The following MAP4K3 variants were observed in gnomAD, a reference collection of about 807,000 sequenced individuals.
The protein encoded by MAP4K3 is MAPK/ERK kinase kinase kinase 3.
A neutral mutation model predicts 143.5 loss-of-function variants in MAP4K3; 94 were observed. The observed-to-expected ratio is 0.65, with a 90% confidence interval of 0.55 to 0.78. The LOEUF is 0.78. Ranked by LOEUF, MAP4K3 falls within the 30% of genes least tolerant of loss-of-function variation. The pLI, the probability that MAP4K3 is intolerant of heterozygous loss-of-function variation, is 0.00. For synonymous variants in MAP4K3, 416 were observed against 347.2 expected (o/e 1.20, Z -2.20); for missense variants, 1,077 against 1,068.1 (o/e 1.01, Z -0.12).
At chr2:39,338,266 G>C (rs1262472799) in intron 4 of MAP4K3, among the ~76,000 whole-genome samples, 1 of 152,080 alleles carries the variant, frequency 6.6e-6, no homozygotes, top group South Asian at 2.1e-4. Context: ...ATGTCCAATA[G>C]GTTTAGCTGG....
chr2:39,309,124 T>G (rs553083903), intron 14 of MAP4K3, among the ~76,000 whole-genome samples: 1 of 150,570 alleles, frequency 6.6e-6, no homozygotes, highest in Non-Finnish European at 1.5e-5. Context: ...TTAAAAAAAA[T>G]TTTATTTTAT....
chr2:39,422,133 A>C (rs1189284616), intron 1 of MAP4K3, among the ~76,000 whole-genome samples: 1 of 151,930 alleles, frequency 6.6e-6, no homozygotes, highest in Non-Finnish European at 1.5e-5. Flanking sequence ...TACTCCTGAG[A>C]AAAACACTAA....
rs1682861432 is a variant in MAP4K3, at chr2:39,309,511, C to T, written c.1006G>A (p.Val336Met). The stretch of plus-strand genomic sequence containing the variant: ...TTTCTTAAGGGTGGATCAAATTTCA[C>T]TTGGCCAACTAAAAAAGAAAAAAAA... ...KTRSEITFGQ[V>M]KFDPPLRKET... The change falls in exon 14 of 34, where the codon GTG becomes ATG. Residue 336 changes from valine to methionine, a missense_variant. Val to Met is a conservative substitution (Grantham distance 21). This residue lies in a region of MAP4K3 where 864 missense variants were observed against 801.2 expected (regional missense o/e 1.08). Coordinates refer to ENST00000263881, the MANE Select transcript of MAP4K3 (RefSeq NM_003618.4). 1.3e-6 allele frequency: 2 copies of T among 1,537,488 alleles called. No homozygotes were observed. The highest frequency in any genetic ancestry group is 1.8e-6 in the Non-Finnish European group (2 of 1,131,596).
chr2:39,359,964 G>A (rs1199963623), intron 2 of MAP4K3, among the ~76,000 whole-genome samples: 1 of 152,234 alleles, frequency 6.6e-6, no homozygotes, highest in Non-Finnish European at 1.5e-5. Context: ...ATGCCCTGGA[G>A]ACATGTTCCC....
At chr2:39,345,511 C>G (rs1029129553) in intron 3 of MAP4K3, among the ~76,000 whole-genome samples, 12 of 152,136 alleles carry the variant, frequency 7.9e-5, no homozygotes, top group African/African-American at 2.9e-4. Flanking sequence ...GGTGAGCTGA[C>G]TTGACCGTAG....
At position 39,315,514 on chromosome 2, in the gene MAP4K3, CA is replaced by C. The variant is rs201262541; in HGVS notation, c.919-127del. 2.9e-3 allele frequency: 1,383 copies of C among 482,784 alleles called. 11 individuals carry two copies. The East Asian group carries it at 0.034, about 12-fold the overall frequency. 29.9% of individuals were successfully genotyped at this position (482,784 alleles called of 1,614,324 possible). A position where few individuals can be genotyped will look rare whatever the true frequency, so the allele number is the denominator to read the frequency against. ...AAAATGAAAGCAAAACAGCACTTTG[CA>C]AATTTTTTTTTTTTAAAAAAGCAAA... On this transcript the variant is annotated intron_variant, in intron 12 of 33. Transcript: ENST00000263881.
chr2:39,267,984 G>A (rs773217569), intron 26 of MAP4K3, among the ~76,000 whole-genome samples: 6 of 152,132 alleles, frequency 3.9e-5, no homozygotes, highest in Non-Finnish European at 7.4e-5. Context: ...CCAAAAACTG[G>A]AGAGAGCTAT....
In MAP4K3 at chr2:39,337,421, A is replaced by G. The variant is rs1194796808; in HGVS notation, c.366+105T>C. On this transcript the variant is annotated intron_variant, in intron 5 of 33. Transcript: ENST00000263881. Reference sequence around the variant, plus strand: ...GTATTAAAACTCATTTTAAGAGTTTACCAAACTAAAATATTTAGTTCTTAC... The same window carrying G: ...GTATTAAAACTCATTTTAAGAGTTTGCCAAACTAAAATATTTAGTTCTTAC... The G allele has an allele frequency of 5.4e-6, 4 of 738,358 alleles. No individual in the cohort carries two copies. In the Admixed American group the frequency reaches 7.4e-5, roughly 14 times the overall value. The allele number at this position is 738,358 out of a possible 1,614,324, so 45.7% of individuals were successfully genotyped here.
chr2:39,353,607 T>G (rs1044393519), intron 3 of MAP4K3, among the ~76,000 whole-genome samples: 1 of 152,214 alleles, frequency 6.6e-6, no homozygotes, highest in South Asian at 2.1e-4. Context: ...AGATGTTAAA[T>G]TCTCTCAAGA....
intron 16 of MAP4K3, among the ~76,000 whole-genome samples, chr2:39,296,666 G>C (rs1005646065): frequency 6.6e-6 from 1 of 152,150 alleles, no homozygotes; most frequent in Non-Finnish European, 1.5e-5. Context: ...CAATCTGTAA[G>C]TACTGCTCTG....
intron 12 of MAP4K3, among the ~76,000 whole-genome samples, chr2:39,321,328 A>C (rs1302391588): frequency 2.0e-5 from 3 of 152,140 alleles, no homozygotes; most frequent in Non-Finnish European, 4.4e-5. Flanking sequence ...TGCTGTGTCA[A>C]ACTCAGGGTT....
At chr2:39,263,518 A>G (rs1301812937) in intron 28 of MAP4K3, among the ~76,000 whole-genome samples, 6 of 150,192 alleles carry the variant, frequency 4.0e-5, no homozygotes, top group Non-Finnish European at 8.9e-5. Flanking sequence ...TGACCTCGTG[A>G]TCCGCCCGCC....
At chr2:39,268,139 T>C (rs1163191888) in intron 26 of MAP4K3, among the ~76,000 whole-genome samples, 2 of 152,176 alleles carry the variant, frequency 1.3e-5, no homozygotes, top group Non-Finnish European at 2.9e-5. Context: ...TATAGGTGTT[T>C]TGCAAACATC....
At chr2:39,327,841 C>T (rs577562190) in intron 8 of MAP4K3, among the ~76,000 whole-genome samples, 1 of 151,720 alleles carries the variant, frequency 6.6e-6, no homozygotes, top group South Asian at 2.1e-4. Context: ...AACTTGCCTC[C>T]CCTTACTAGT....
intron 23 of MAP4K3, among the ~76,000 whole-genome samples, chr2:39,279,023 T>G: frequency 6.6e-6 from 1 of 152,200 alleles, no homozygotes; most frequent in East Asian, 1.9e-4. Context: ...GCCATCGTCC[T>G]TTCCATTTTT....
chr2:39,258,677 A>G (rs548991726), intron 29 of MAP4K3, 90 bp from the exon 30 acceptor site: 4 of 939,180 alleles, frequency 4.3e-6, no homozygotes, highest in South Asian at 1.3e-5. Context: ...GAGGATAACA[A>G]TACTTGAAAC....
chr2:39,257,792 A>C (rs1573060264), intron 31 of MAP4K3, among the ~76,000 whole-genome samples: 1 of 135,214 alleles, frequency 7.4e-6, no homozygotes, highest in African/African-American at 3.0e-5. Flanking sequence ...GAGACACTCC[A>C]TCTCAAAAAA....
At chr2:39,384,492 G>A (rs1316932593) in intron 1 of MAP4K3, among the ~76,000 whole-genome samples, 1 of 152,276 alleles carries the variant, frequency 6.6e-6, no homozygotes, top group Non-Finnish European at 1.5e-5. Context: ...GTTGCAGTGA[G>A]CTGAGATTGC....
chr2:39,425,567 T>C (rs564433906), intron 1 of MAP4K3, among the ~76,000 whole-genome samples: 1 of 152,042 alleles, frequency 6.6e-6, no homozygotes, highest in Non-Finnish European at 1.5e-5. Flanking sequence ...AAGTATGCCC[T>C]CTCTCTCTGT....
Sources: gnomAD v4.1 joint callset for allele counts (sites outside exome capture counted in the v4.1 genomes callset) on GRCh38, gnomAD v4.1.1 for gene constraint, gnomAD v4.1.1 regional missense constraint, MANE v1.5 for transcripts, NCBI Gene and HGNC (gene_info 2026-07-23, HGNC 2026-07-21) for gene names.